The following EBF1 variants were observed in gnomAD, a reference collection of about 807,000 sequenced individuals.
EBF1 encodes EBF transcription factor 1.
EBF1 carries 10 observed loss-of-function variants against 68.4 expected under a neutral mutation model. The observed-to-expected ratio is 0.15, with a 90% CI of 0.09 to 0.25. EBF1 has a LOEUF of 0.25. EBF1 is among the 10% of genes least tolerant of loss of function. The pLI is 1.00. For synonymous variants in EBF1, 298 were observed against 299.8 expected, an observed-to-expected ratio of 0.99 and a Z score of 0.06; for missense variants, 509 against 794.4, an observed-to-expected ratio of 0.64 and a Z score of 4.32.
At chr5:158,731,022 C>T (rs1370061557) in intron 11 of EBF1, 47 bp downstream of exon 11, 15 of 1,562,140 alleles carry the variant, frequency 9.6e-6, no homozygotes, top group East Asian at 2.2e-5. Flanking sequence ...TTCTGCAAAT[C>T]GCTCAAGTCC....
At chr5:158,847,165 G>C (rs1342315717) in intron 6 of EBF1, among the ~76,000 whole-genome samples, 1 of 152,178 alleles carries the variant, frequency 6.6e-6, no homozygotes, top group Non-Finnish European at 1.5e-5. Flanking sequence ...AACCTGAAAA[G>C]CATTCATTAC....
intron 6 of EBF1, among the ~76,000 whole-genome samples, chr5:158,930,926 A>G (rs537613614): frequency 6.6e-6 from 1 of 152,328 alleles, no homozygotes; most frequent in East Asian, 1.9e-4. Context: ...CACAAACTAA[A>G]AAGCTCTACA....
chr5:158,981,499 G>A (rs993976543), intron 6 of EBF1, among the ~76,000 whole-genome samples: 1 of 152,048 alleles, frequency 6.6e-6, no homozygotes, highest in African/African-American at 2.4e-5. Flanking sequence ...TAGGGATAGA[G>A]CTAATAAACA....
intron 6 of EBF1, among the ~76,000 whole-genome samples, chr5:159,054,416 AGAG>A (rs1774371710): frequency 1.3e-5 from 2 of 152,304 alleles, no homozygotes; most frequent in South Asian, 4.1e-4. Flanking sequence ...TTTAAAAAAT[AGAG>A]AGAGAGATCT....
chr5:159,074,464 C>T (rs1229522866), intron 5 of EBF1, among the ~76,000 whole-genome samples: 1 of 152,196 alleles, frequency 6.6e-6, no homozygotes, highest in Non-Finnish European at 1.5e-5. Context: ...GCACCACAAG[C>T]AAATATGCAC....
At chr5:158,855,928 C>A (rs1463543251) in intron 6 of EBF1, among the ~76,000 whole-genome samples, 1 of 152,220 alleles carries the variant, frequency 6.6e-6, no homozygotes, top group Non-Finnish European at 1.5e-5. Context: ...TCTTCAATGT[C>A]TTTCTCAGTT....
chr5:159,036,365 G>T (rs994187893), intron 6 of EBF1, among the ~76,000 whole-genome samples: 2 of 151,278 alleles, frequency 1.3e-5, no homozygotes, highest in Non-Finnish European at 2.9e-5. Flanking sequence ...TAAGCCAAAA[G>T]AACAAAGCTG....
In EBF1 at chr5:158,965,171, T is replaced by G. The variant is rs532874040; in HGVS notation, c.554+108225A>C. On this transcript the variant is annotated intron_variant, in intron 6 of 15. Coordinates refer to ENST00000313708, the MANE Select transcript of EBF1 (RefSeq NM_024007.5). The stretch of plus-strand genomic sequence containing the variant: ...GAGATAGAATAAAAGAGCTTCAAGG[T>G]TCTTTTCAACCCAGATTCTAGGATC... Among the ~76,000 whole-genome samples, 23 of 152,300 alleles carry G rather than the reference T, an allele frequency of 1.5e-4. No homozygotes were observed. In the East Asian group the frequency reaches 4.4e-3, roughly 29 times the overall value.
intron 6 of EBF1, among the ~76,000 whole-genome samples, chr5:158,885,544 C>A (rs939143524): frequency 6.6e-6 from 1 of 152,142 alleles, no homozygotes; most frequent in Non-Finnish European, 1.5e-5. Context: ...AGGGGTATTA[C>A]AAGGAGCAGA....
In EBF1 at chr5:158,696,650, G is replaced by T; in HGVS notation, c.*2461C>A. 1 of 211,708 alleles carries T rather than the reference G, an allele frequency of 4.7e-6. No individual in the cohort carries two copies. The highest frequency in any genetic ancestry group is 6.9e-5 in the East Asian group (1 of 14,400). The allele number at this position is 211,708 out of a possible 1,614,324, so 13.1% of individuals were successfully genotyped here. On this transcript the variant is annotated 3_prime_UTR_variant, in exon 16 of 16. Transcript: ENST00000313708. ...TTTCCAGTTTTTTTTATTATTATTA[G>T]TCATCATTATTATTTCTCACCATGA...
chr5:158,958,324 G>A (rs1213155327), intron 6 of EBF1, among the ~76,000 whole-genome samples: 4 of 152,202 alleles, frequency 2.6e-5, no homozygotes, highest in African/African-American at 9.7e-5. Flanking sequence ...TGACCTGTCA[G>A]AAGGTTGTGA....
intron 5 of EBF1, among the ~76,000 whole-genome samples, chr5:159,078,059 G>A (rs1779102013): frequency 6.6e-6 from 1 of 152,008 alleles, no homozygotes; most frequent in Non-Finnish European, 1.5e-5. Context: ...GCTTTATATG[G>A]CAATATGCTT....
At chr5:158,965,720 C>T (rs1374487237) in intron 6 of EBF1, among the ~76,000 whole-genome samples, 1 of 152,220 alleles carries the variant, frequency 6.6e-6, no homozygotes, top group Non-Finnish European at 1.5e-5. Flanking sequence ...TAATCCTTGT[C>T]TCTAACCAGA....
At chr5:158,831,942 T>A (rs1048012609) in intron 7 of EBF1, among the ~76,000 whole-genome samples, 1 of 152,206 alleles carries the variant, frequency 6.6e-6, no homozygotes. Flanking sequence ...GCCAATGTGC[T>A]TGACAGGACT....
At chr5:158,862,770 T>G (rs1795187982) in intron 6 of EBF1, among the ~76,000 whole-genome samples, 1 of 152,194 alleles carries the variant, frequency 6.6e-6, no homozygotes, top group African/African-American at 2.4e-5. Flanking sequence ...GACACCATAT[T>G]GTGAACTTAG....
chr5:158,891,425 T>A (rs1801162516), intron 6 of EBF1, among the ~76,000 whole-genome samples: 1 of 152,150 alleles, frequency 6.6e-6, no homozygotes, highest in African/African-American at 2.4e-5. Flanking sequence ...TTTCCCCTAA[T>A]GCCCACTTCC....
At chr5:159,022,056 T>TAAAAAAAAAAA (rs10630834) in intron 6 of EBF1, among the ~76,000 whole-genome samples, 2 of 105,608 alleles carry the variant, frequency 1.9e-5, no homozygotes, top group African/African-American at 3.7e-5. Flanking sequence ...GTCAGCACGA[T>TAAAAAAAAAAA]AAAAAAAAAA....
At chr5:158,702,278 G>A (rs1307452140) in intron 15 of EBF1, among the ~76,000 whole-genome samples, 5 of 152,056 alleles carry the variant, frequency 3.3e-5, no homozygotes, top group Non-Finnish European at 7.4e-5. Flanking sequence ...ATGTGGGTGA[G>A]AGGGATGGGT....
At chr5:158,794,267 C>G (rs1212951867) in intron 9 of EBF1, among the ~76,000 whole-genome samples, 2 of 152,120 alleles carry the variant, frequency 1.3e-5, no homozygotes, top group Non-Finnish European at 2.9e-5. Flanking sequence ...ACTGGAGGGA[C>G]AGAGGAGGGA....
Sources: allele counts gnomAD v4.1 joint callset (sites outside exome capture counted in the v4.1 genomes callset), GRCh38; gene constraint gnomAD v4.1.1; transcripts MANE v1.5; gene names NCBI Gene and HGNC (gene_info 2026-07-23, HGNC 2026-07-21).